CDKL4: variants seen among roughly 807,000 people sequenced by gnomAD.
CDKL4 encodes cyclin-dependent kinase-like 4.
CDKL4 carries 44 observed loss-of-function variants against 42.0 expected under a neutral mutation model. The ratio of observed to expected loss-of-function variants is 1.05; its 90% CI spans 0.82 to 1.35. The LOEUF (loss-of-function observed/expected upper bound fraction) is 1.35, where lower values mean the gene tolerates loss of function less well. Among genes scored for constraint, CDKL4 ranks in the 40% most tolerant of loss-of-function variants. The probability of loss-of-function intolerance (pLI) is 0.00; values close to 1 mark genes in which losing one functional copy is unlikely to be tolerated. For synonymous variants in CDKL4, 120 were observed against 121.6 expected, an observed-to-expected ratio of 0.99 and a Z score of 0.09; for missense variants, 393 against 369.9, an observed-to-expected ratio of 1.06 and a Z score of -0.51.
upstream of CDKL4, among the ~76,000 whole-genome samples, chr2:39,244,148 C>T (rs542933200): frequency 6.6e-6 from 1 of 152,368 alleles, no homozygotes; most frequent in Non-Finnish European, 1.5e-5. Flanking sequence ...CTCGACGCCT[C>T]CTATGCCTGG....
At chr2:39,184,647 C>G in exon 8 of CDKL4, 2 of 1,608,464 alleles carry the variant, frequency 1.2e-6, no homozygotes, top group Non-Finnish European at 1.7e-6. Context: ...TCAAGAGTTT[C>G]CTGAAAAACA....
At chr2:39,229,375 C>A (rs35454041) in exon 2 of CDKL4, 5 of 1,592,594 alleles carry the variant, frequency 3.1e-6, no homozygotes, top group Non-Finnish European at 4.3e-6. Context: ...CTTCAACATA[C>A]GTATTTCTCT....
downstream of CDKL4, among the ~76,000 whole-genome samples, chr2:39,175,034 G>C (rs1019955018): frequency 4.6e-5 from 7 of 152,030 alleles, no homozygotes; most frequent in African/African-American, 1.2e-4. Context: ...TGAGGGGTTT[G>C]CTTTGCTTTG....
chr2:39,235,989 A>C (rs1301459837), intron 1 of CDKL4, among the ~76,000 whole-genome samples: 1 of 152,148 alleles, frequency 6.6e-6, no homozygotes, highest in Non-Finnish European at 1.5e-5. Context: ...CAGATGTTGG[A>C]TTTAGCTGAC....
At chr2:39,176,938 T>C (rs985185079) in intron 9 of CDKL4, among the ~76,000 whole-genome samples, 4 of 152,184 alleles carry the variant, frequency 2.6e-5, no homozygotes, top group Non-Finnish European at 5.9e-5. Context: ...CACCCCTGTC[T>C]TTCTCTTGGC....
intron 8 of CDKL4, among the ~76,000 whole-genome samples, chr2:39,180,952 G>C (rs942528573): frequency 6.6e-6 from 1 of 152,200 alleles, no homozygotes; most frequent in Non-Finnish European, 1.5e-5. Context: ...GCCTCCCAGT[G>C]CTGGGACTAC....
chr2:39,238,910 C>A (rs1679505640), intron 1 of CDKL4, among the ~76,000 whole-genome samples: 1 of 152,126 alleles, frequency 6.6e-6, no homozygotes, highest in Non-Finnish European at 1.5e-5. Flanking sequence ...TGCCACCATG[C>A]CCAGCTAATT....
intron 4 of CDKL4, among the ~76,000 whole-genome samples, chr2:39,207,319 A>G (rs1677262288): frequency 6.6e-6 from 1 of 152,160 alleles, no homozygotes; most frequent in African/African-American, 2.4e-5. Flanking sequence ...CAGGAGGTGG[A>G]GGTTGCAGTG....
At chr2:39,230,076 G>A (rs1679004840) in intron 1 of CDKL4, among the ~76,000 whole-genome samples, 1 of 152,212 alleles carries the variant, frequency 6.6e-6, no homozygotes, top group African/African-American at 2.4e-5. Context: ...ATTGAACAAA[G>A]CAGTCTTTAA....
At chr2:39,238,980 G>A (rs980885696) in intron 1 of CDKL4, among the ~76,000 whole-genome samples, 1 of 152,222 alleles carries the variant, frequency 6.6e-6, no homozygotes, top group African/African-American at 2.4e-5. Context: ...TTGAACTCCT[G>A]ACCTCAAGTG....
At chr2:39,232,883 A>C (rs187929111) in intron 1 of CDKL4, among the ~76,000 whole-genome samples, 19 of 151,842 alleles carry the variant, frequency 1.3e-4, no homozygotes, top group Admixed American at 1.2e-3. Context: ...ATCTCTACTA[A>C]AAATACAAAA....
chr2:39,240,717 A>G lies in CDKL4; in HGVS notation c.-57+3154T>C, dbSNP rs183919911. Among the ~76,000 whole-genome samples the G allele has an allele frequency of 1.4e-3, 217 of 151,942 alleles. 1 individual carries two copies. Among genetic ancestry groups the G allele is most frequent in the African/African-American group, 4.9e-3 (203 of 41,480 alleles). On this transcript the variant is annotated intron_variant, in intron 1 of 9. Transcript: ENST00000451199. ...AAAAGAAAAAAGAACCACATGCCCC[A>G]AAACATAATGCTAAGTGAGAGAAGA...
Position 39,187,616 on chromosome 2 carries a change from G to C in CDKL4, c.735+11C>G. Reference sequence around the variant, plus strand: ...CACAAGTAATAAAATATTCAAAACAGAGCAGCTTACCATGTCTTCTGGCTC... The same window carrying C: ...CACAAGTAATAAAATATTCAAAACACAGCAGCTTACCATGTCTTCTGGCTC... On this transcript the variant is annotated intron_variant, in intron 7 of 9. Transcript: ENST00000451199. 1 of 1,576,346 alleles carries C rather than the reference G, an allele frequency of 6.3e-7. No homozygotes were observed.
chr2:39,222,590 T>C (rs946362990), intron 3 of CDKL4, among the ~76,000 whole-genome samples: 1 of 150,814 alleles, frequency 6.6e-6, no homozygotes, highest in Non-Finnish European at 1.5e-5. Context: ...ACTCTGTCTC[T>C]AAATAAATAA....
At chr2:39,219,481 C>G (rs1287787256) in intron 3 of CDKL4, among the ~76,000 whole-genome samples, 1 of 151,994 alleles carries the variant, frequency 6.6e-6, no homozygotes, top group African/African-American at 2.4e-5. Context: ...AGTGCAATGG[C>G]ATGATCTTGG....
intron 5 of CDKL4, among the ~76,000 whole-genome samples, chr2:39,198,441 A>C (rs559278739): frequency 1.3e-5 from 2 of 152,298 alleles, no homozygotes; most frequent in East Asian, 3.9e-4. Flanking sequence ...ATCAAGACAG[A>C]AAGTCAACAA....
downstream of CDKL4, among the ~76,000 whole-genome samples, chr2:39,173,681 G>T (rs919960136): frequency 8.6e-5 from 13 of 152,016 alleles, no homozygotes; most frequent in Non-Finnish European, 1.8e-4. Flanking sequence ...GTGGTGGTGG[G>T]CGCCTGTAGT....
exon 10 of CDKL4, chr2:39,175,798 T>C: frequency 3.4e-6 from 1 of 298,412 alleles, no homozygotes; most frequent in East Asian, 8.4e-5. Flanking sequence ...TTTATAACAT[T>C]TAAAGAAAAT....
At chr2:39,194,807 T>C (rs544559071) in intron 5 of CDKL4, among the ~76,000 whole-genome samples, 4 of 152,318 alleles carry the variant, frequency 2.6e-5, no homozygotes, top group African/African-American at 7.2e-5. Flanking sequence ...TATTTTGTGG[T>C]AAAATACACA....
Sources: gnomAD v4.1 joint callset for allele counts (sites outside exome capture counted in the v4.1 genomes callset) on GRCh38, gnomAD v4.1.1 for gene constraint, MANE v1.5 for transcripts, NCBI Gene and HGNC (gene_info 2026-07-23, HGNC 2026-07-21) for gene names.